The following PCDH9 variants were observed in gnomAD, a reference collection of about 807,000 sequenced individuals.
PCDH9 encodes protocadherin 9.
PCDH9 carries 24 observed loss-of-function variants against 70.6 expected under a neutral mutation model. The observed-to-expected ratio is 0.34, with a 90% CI of 0.25 to 0.48. The LOEUF is 0.48. Among genes scored for constraint, PCDH9 ranks in the 20% least tolerant of loss-of-function variants. The pLI is 0.99. For missense variants in PCDH9, 1,281 were observed against 1,503.6 expected, an observed-to-expected ratio of 0.85 and a Z score of 2.45; for synonymous variants, 562 against 558.5, an observed-to-expected ratio of 1.01 and a Z score of -0.09.
intron 2 of PCDH9, among the ~76,000 whole-genome samples, chr13:67,141,196 A>G (rs978210193): frequency 1.3e-5 from 2 of 152,226 alleles, no homozygotes; most frequent in African/African-American, 4.8e-5. Flanking sequence ...AGAAGAGCAC[A>G]TATGCAATAC....
chr13:66,751,421 C>T (rs975723416), intron 3 of PCDH9, among the ~76,000 whole-genome samples: 6 of 151,786 alleles, frequency 4.0e-5, no homozygotes, highest in Admixed American at 3.3e-4. Flanking sequence ...AATAAAAAGC[C>T]CAACAAAAAC....
chr13:66,545,376 G>T (rs1252881089), intron 4 of PCDH9, among the ~76,000 whole-genome samples: 1 of 152,088 alleles, frequency 6.6e-6, no homozygotes, highest in Non-Finnish European at 1.5e-5. Flanking sequence ...TATCAAATGA[G>T]TTAATAAAAA....
intron 2 of PCDH9, among the ~76,000 whole-genome samples, chr13:67,080,740 T>C (rs2085967358): frequency 6.6e-6 from 1 of 152,236 alleles, no homozygotes; most frequent in Admixed American, 6.5e-5. Context: ...TTAATTGTCC[T>C]ATATTAGCAA....
chr13:66,900,339 A>G (rs2082256714), intron 3 of PCDH9, among the ~76,000 whole-genome samples: 1 of 151,882 alleles, frequency 6.6e-6, no homozygotes, highest in African/African-American at 2.4e-5. Flanking sequence ...TAAATAAGCT[A>G]TATTCCAACA....
chr13:66,314,911 C>A (rs553499534), intron 4 of PCDH9, among the ~76,000 whole-genome samples: 1 of 152,274 alleles, frequency 6.6e-6, no homozygotes, highest in Admixed American at 6.5e-5. Context: ...AATAAAATTA[C>A]TAGTCAGTTG....
intron 2 of PCDH9, chr13:67,218,141 C>T (rs2059494898): frequency 6.6e-6 from 1 of 152,016 alleles, no homozygotes; most frequent in Admixed American, 6.6e-5. Context: ...ATCTTTAAAA[C>T]CCCACTTAAT....
At chr13:66,413,263 T>C (rs1245793924) in intron 4 of PCDH9, among the ~76,000 whole-genome samples, 1 of 152,246 alleles carries the variant, frequency 6.6e-6, no homozygotes, top group East Asian at 1.9e-4. Context: ...ATAAACTCAT[T>C]GTAATTTTAA....
At chr13:66,858,617 C>G (rs2081433677) in intron 3 of PCDH9, among the ~76,000 whole-genome samples, 1 of 152,108 alleles carries the variant, frequency 6.6e-6, no homozygotes, top group Non-Finnish European at 1.5e-5. Context: ...AGAATCAGTT[C>G]AAATTTTAAC....
intron 3 of PCDH9, among the ~76,000 whole-genome samples, chr13:66,737,022 A>G (rs1374615076): frequency 6.6e-6 from 1 of 152,202 alleles, no homozygotes; most frequent in East Asian, 1.9e-4. Context: ...TATTTTTTCC[A>G]TCTCCCATGA....
At chr13:66,942,828 T>C (rs902976298) in intron 2 of PCDH9, among the ~76,000 whole-genome samples, 1 of 152,132 alleles carries the variant, frequency 6.6e-6, no homozygotes, top group African/African-American at 2.4e-5. Context: ...TTTTCTGGTT[T>C]ATTCCTTAAA....
At chr13:66,988,645 G>A (rs1594356337) in intron 2 of PCDH9, among the ~76,000 whole-genome samples, 1 of 151,818 alleles carries the variant, frequency 6.6e-6, no homozygotes, top group South Asian at 2.1e-4. Context: ...AAAGGAATCT[G>A]GAAATAATAC....
intron 4 of PCDH9, among the ~76,000 whole-genome samples, chr13:66,413,589 G>A (rs1271195469): frequency 1.3e-5 from 2 of 152,056 alleles, no homozygotes; most frequent in African/African-American, 2.4e-5. Context: ...AGGAGGCTGA[G>A]GTGGGAGAAT....
chr13:66,734,863 C>A lies in PCDH9; in HGVS notation c.3139-103452G>T, dbSNP rs572031386. On this transcript the variant is annotated intron_variant, in intron 3 of 4. Transcript: ENST00000377865. ...CTTAGTATGTACTAAAGCCAAAATT[C>A]AAAAGCAACTCCATTATGAATCCCA... Among the ~76,000 whole-genome samples the A allele has an allele frequency of 3.4e-4, 51 of 152,126 alleles. No individual in the cohort carries two copies. The South Asian group carries it at 0.011, about 32-fold the overall frequency.
chr13:66,793,646 G>GA (rs1199778855), intron 3 of PCDH9, among the ~76,000 whole-genome samples: 14 of 151,808 alleles, frequency 9.2e-5, no homozygotes, highest in Admixed American at 6.6e-4. Flanking sequence ...TCTCTTTCTA[G>GA]AAAAAAACAA....
chr13:66,412,012 A>T lies in PCDH9; in HGVS notation c.3341-106984T>A, dbSNP rs115981914. ...ACAAATTCTAATGATCTACATTGGG[A>T]ACATAAGAACATATATCAACTAATT... On this transcript the variant is annotated intron_variant, in intron 4 of 4. Coordinates refer to ENST00000377865, the MANE Select transcript of PCDH9 (RefSeq NM_203487.3). Among the ~76,000 whole-genome samples the T allele has an allele frequency of 3.4e-3, 515 of 152,324 alleles. 5 individuals carry two copies. The highest frequency in any genetic ancestry group is 0.011 in the African/African-American group (476 of 41,570).
intron 4 of PCDH9, among the ~76,000 whole-genome samples, chr13:66,508,489 C>G (rs1055781359): frequency 6.6e-6 from 1 of 152,180 alleles, no homozygotes; most frequent in Non-Finnish European, 1.5e-5. Flanking sequence ...GAATTCTTCA[C>G]TCTTGTGTTG....
chr13:66,423,276 T>C (rs1957602540), intron 4 of PCDH9, among the ~76,000 whole-genome samples: 2 of 151,604 alleles, frequency 1.3e-5, no homozygotes, highest in South Asian at 2.1e-4. Context: ...CTTCTGAAAC[T>C]ATTCCAAACA....
intron 4 of PCDH9, among the ~76,000 whole-genome samples, chr13:66,406,287 T>G (rs1328603747): frequency 6.6e-6 from 1 of 152,152 alleles, no homozygotes; most frequent in African/African-American, 2.4e-5. Context: ...ATTAGACTCT[T>G]GCCCTAAGCC....
intron 2 of PCDH9, among the ~76,000 whole-genome samples, chr13:67,011,658 A>G (rs1326369559): frequency 5.3e-5 from 8 of 151,928 alleles, no homozygotes; most frequent in Non-Finnish European, 1.2e-4. Flanking sequence ...GAGAAGTGTC[A>G]AAAAGACTAA....
Sources: gnomAD v4.1 joint callset for allele counts (sites outside exome capture counted in the v4.1 genomes callset) on GRCh38, gnomAD v4.1.1 for gene constraint, MANE v1.5 for transcripts, NCBI Gene and HGNC (gene_info 2026-07-23, HGNC 2026-07-21) for gene names.